GGTA1: variants seen among roughly 807,000 people sequenced by gnomAD.
The protein encoded by GGTA1 is glycoprotein alpha-galactosyltransferase 1 (inactive).
GGTA1 carries 5 observed loss-of-function variants against 2.6 expected under a neutral mutation model. That is an observed-to-expected ratio of 1.92 (90% CI 1.00 to 4.04). The LOEUF (loss-of-function observed/expected upper bound fraction) is 4.04. Ranked by LOEUF, GGTA1 falls within the 30% of genes most tolerant of loss-of-function variation. The probability of loss-of-function intolerance (pLI) is 0.00; values close to 1 mark genes in which losing one functional copy is unlikely to be tolerated. For synonymous variants in GGTA1, 17 were observed against 5.0 expected (o/e 3.38, Z -3.19); for missense variants, 50 against 16.7 (o/e 2.99, Z -3.47).
chr9:121,491,000 C>G (rs1359568573), intron 1 of GGTA1, among the ~76,000 whole-genome samples: 2 of 148,594 alleles, frequency 1.3e-5, no homozygotes, highest in Non-Finnish European at 2.9e-5. Flanking sequence ...ATTAATTATC[C>G]CTTTCTCTGC....
chr9:121,451,899 C>A (rs2064880040), downstream of GGTA1: 4 of 152,294 alleles, frequency 2.6e-5, no homozygotes, highest in South Asian at 8.3e-4. Context: ...GTGGAACAGA[C>A]ATGTTTTCCT....
intron 2 of GGTA1, among the ~76,000 whole-genome samples, chr9:121,464,999 AAC>A (rs1329894849): frequency 4.0e-5 from 6 of 148,566 alleles, no homozygotes; most frequent in Non-Finnish European, 9.0e-5. Flanking sequence ...AAAAAAACAA[AAC>A]AAACAAAAAA....
intron 3 of GGTA1, 116 bp downstream of exon 3, chr9:121,463,177 C>A (rs1275756427): frequency 2.3e-6 from 1 of 426,762 alleles, no homozygotes; most frequent in Non-Finnish European, 4.6e-6. Flanking sequence ...CACCCACCCA[C>A]CCCTCCGACT....
chr9:121,473,956 A>AGG (rs1554837316), intron 1 of GGTA1, among the ~76,000 whole-genome samples: 3 of 133,264 alleles, frequency 2.3e-5, no homozygotes, highest in Non-Finnish European at 3.2e-5. Context: ...AGAGAGAGAG[A>AGG]GAGGGAGGGA....
At chr9:121,473,940 G>GGAGA (rs761577056) in intron 1 of GGTA1, among the ~76,000 whole-genome samples, 35,212 of 122,020 alleles carry the variant, frequency 0.29, 5,207 homozygotes, top group Middle Eastern at 0.41. Context: ...AAAGAGAGAA[G>GGAGA]GAGAGAGAGA....
chr9:121,446,602 G>A (rs2064853411), exon 8 of GGTA1: 1 of 152,222 alleles, frequency 6.6e-6, no homozygotes, highest in African/African-American at 2.4e-5. Flanking sequence ...TTCTCCAGAT[G>A]TCATCTGGCA....
chr9:121,447,362 C>T (rs959739134), exon 8 of GGTA1: 2 of 152,568 alleles, frequency 1.3e-5, no homozygotes, highest in Non-Finnish European at 2.9e-5. Context: ...AAGTCGACCT[C>T]GTGTTGGATG....
At chr9:121,485,571 G>A (rs1186601285) in intron 1 of GGTA1, among the ~76,000 whole-genome samples, 1 of 152,162 alleles carries the variant, frequency 6.6e-6, no homozygotes, top group Non-Finnish European at 1.5e-5. Flanking sequence ...GCGGTGTATA[G>A]GAAAGCAGTG....
chr9:121,474,010 CAAGGAAAGAAAGAAAAGA>C (rs1289534746), intron 1 of GGTA1, among the ~76,000 whole-genome samples: 2 of 144,354 alleles, frequency 1.4e-5, no homozygotes, highest in East Asian at 2.0e-4. Context: ...AAGAAAGAAA[CAAGGAAAGAAAGAAAAGA>C]AAGGAAAGAA....
chr9:121,454,186 GC>G (rs2064893485), downstream of GGTA1, among the ~76,000 whole-genome samples: 1 of 152,202 alleles, frequency 6.6e-6, no homozygotes, highest in African/African-American at 2.4e-5. Flanking sequence ...TACGCCTGCT[GC>G]ATGGAGGACA....
At chr9:121,471,050 A>T (rs1828377480) in intron 1 of GGTA1, among the ~76,000 whole-genome samples, 1 of 152,228 alleles carries the variant, frequency 6.6e-6, no homozygotes, top group South Asian at 2.1e-4. Flanking sequence ...AAAGGAAAGA[A>T]GCCGGCCCTG....
chr9:121,451,351 A>G (rs1589325243), downstream of GGTA1, among the ~76,000 whole-genome samples: 1 of 152,086 alleles, frequency 6.6e-6, no homozygotes, highest in African/African-American at 2.4e-5. Flanking sequence ...ACGCCCAGCT[A>G]ATTTTTTGTA....
chr9:121,459,854 T>C (rs2064945294), intron 5 of GGTA1, among the ~76,000 whole-genome samples: 1 of 152,252 alleles, frequency 6.6e-6, no homozygotes, highest in Non-Finnish European at 1.5e-5. Context: ...GTTGATTGAT[T>C]TCTCCTGTCT....
chr9:121,469,133 G>A (rs192501280), intron 1 of GGTA1, among the ~76,000 whole-genome samples: 2 of 152,250 alleles, frequency 1.3e-5, no homozygotes, highest in South Asian at 2.1e-4. Context: ...AAAAAAGCAG[G>A]GGTGCTGTGT....
intron 1 of GGTA1, among the ~76,000 whole-genome samples, chr9:121,469,753 A>G (rs967720395): frequency 6.6e-6 from 1 of 152,226 alleles, no homozygotes; most frequent in Non-Finnish European, 1.5e-5. Context: ...AGCTAGAAGC[A>G]TGCCTTTGAT....
chr9:121,463,220 A>C (rs921754483), intron 3 of GGTA1, 73 bp downstream of exon 3: 13 of 445,212 alleles, frequency 2.9e-5, no homozygotes, highest in Non-Finnish European at 4.5e-6. Context: ...TGCCGTGTGA[A>C]GAATGGACTG....
downstream of GGTA1, among the ~76,000 whole-genome samples, chr9:121,452,517 T>G (rs180737595): frequency 4.6e-5 from 7 of 152,028 alleles, no homozygotes; most frequent in Admixed American, 2.0e-4. Flanking sequence ...TTTTTTTTAT[T>G]TTTATTTTTT....
downstream of GGTA1, among the ~76,000 whole-genome samples, chr9:121,453,755 G>A (rs955563363): frequency 6.6e-6 from 1 of 152,204 alleles, no homozygotes; most frequent in Non-Finnish European, 1.5e-5. Flanking sequence ...AGCACGGCCA[G>A]TGGAGGCCTG....
chr9:121,464,995 AC>A (rs67848346), intron 2 of GGTA1, among the ~76,000 whole-genome samples: 15,447 of 124,826 alleles, frequency 0.12, 1,726 homozygotes, highest in Non-Finnish European at 0.17. Context: ...TGGCAAAAAA[AC>A]AAAACAAACA....
Sources: allele counts gnomAD v4.1 joint callset (sites outside exome capture counted in the v4.1 genomes callset), GRCh38; gene constraint gnomAD v4.1.1; transcripts MANE v1.5; gene names NCBI Gene and HGNC (gene_info 2026-07-23, HGNC 2026-07-21).